Variants in DCDC2C observed in about 807,000 individuals in gnomAD.
The protein encoded by DCDC2C is doublecortin domain-containing protein 2C.
Under a neutral mutation model 45.0 loss-of-function variants are expected in DCDC2C, and 44 were observed. That is an observed-to-expected ratio of 0.98 (90% confidence interval 0.77 to 1.26). The LOEUF (loss-of-function observed/expected upper bound fraction) is 1.26. Among genes scored for constraint, DCDC2C ranks in the 50% most tolerant of loss-of-function variants. The pLI, the probability that DCDC2C is intolerant of heterozygous loss-of-function variation, is 0.00. For synonymous variants in DCDC2C, 187 were observed against 178.8 expected, an observed-to-expected ratio of 1.05 and a Z score of -0.37; for missense variants, 447 against 468.9, an observed-to-expected ratio of 0.95 and a Z score of 0.43.
At chr2:3,763,702 G>A (rs1669946437) in intron 6 of DCDC2C, among the ~76,000 whole-genome samples, 1 of 152,146 alleles carries the variant, frequency 6.6e-6, no homozygotes, top group African/African-American at 2.4e-5. Flanking sequence ...CCATTTTTGG[G>A]CTCATTCCAG....
At chr2:3,782,197 A>T (rs528745897) in intron 9 of DCDC2C, among the ~76,000 whole-genome samples, 20 of 152,222 alleles carry the variant, frequency 1.3e-4, no homozygotes, top group Middle Eastern at 6.8e-3. Flanking sequence ...GGCCTGAAGG[A>T]GCTGTTCAGA....
chr2:3,812,467 T>C (rs1671423970), intron 10 of DCDC2C, among the ~76,000 whole-genome samples: 1 of 152,158 alleles, frequency 6.6e-6, no homozygotes, highest in Non-Finnish European at 1.5e-5. Context: ...TTTGATTCTC[T>C]TCTCTTGTCT....
intron 10 of DCDC2C, among the ~76,000 whole-genome samples, chr2:3,791,637 C>G (rs1225603701): frequency 6.6e-6 from 1 of 152,180 alleles, no homozygotes; most frequent in Non-Finnish European, 1.5e-5. Flanking sequence ...TCCTCTTTCC[C>G]TCTCCCCAGT....
At chr2:3,730,037 C>T (rs1372847668) in intron 3 of DCDC2C, among the ~76,000 whole-genome samples, 1 of 152,190 alleles carries the variant, frequency 6.6e-6, no homozygotes, top group South Asian at 2.1e-4. Context: ...GGAGAAGGGT[C>T]CAGCCGTTGC....
At chr2:3,762,382 T>C (rs1218577409) in intron 6 of DCDC2C, among the ~76,000 whole-genome samples, 3 of 152,156 alleles carry the variant, frequency 2.0e-5, no homozygotes, top group Non-Finnish European at 4.4e-5. Flanking sequence ...AAGCTGTGTG[T>C]ATTCATTCAT....
chr2:3,747,768 G>A (rs1669417011), intron 4 of DCDC2C, among the ~76,000 whole-genome samples: 1 of 152,202 alleles, frequency 6.6e-6, no homozygotes, highest in Non-Finnish European at 1.5e-5. Context: ...GCCCTGAGGG[G>A]ATGGGGTGAG....
At chr2:3,840,163 A>T (rs751568360) in intron 10 of DCDC2C, among the ~76,000 whole-genome samples, 4 of 152,220 alleles carry the variant, frequency 2.6e-5, no homozygotes, top group Non-Finnish European at 5.9e-5. Flanking sequence ...TTTTAGACTG[A>T]GTATTCTACT....
At chr2:3,739,421 A>G (rs532406809) in intron 3 of DCDC2C, among the ~76,000 whole-genome samples, 2 of 152,212 alleles carry the variant, frequency 1.3e-5, no homozygotes, top group Admixed American at 1.3e-4. Context: ...TCCTGTGCCT[A>G]TAAAAGCTTG....
At chr2:3,739,212 C>T (rs902007705) in intron 3 of DCDC2C, among the ~76,000 whole-genome samples, 1 of 152,110 alleles carries the variant, frequency 6.6e-6, no homozygotes. Context: ...TCCAGTTATC[C>T]CATCCCTCAG....
At chr2:3,739,011 T>C (rs1208385044) in intron 3 of DCDC2C, among the ~76,000 whole-genome samples, 1 of 152,220 alleles carries the variant, frequency 6.6e-6, no homozygotes, top group Admixed American at 6.5e-5. Flanking sequence ...ATTCTTCTGC[T>C]CAACCAGCAA....
At chr2:3,846,791 G>T (rs1002818265) in intron 10 of DCDC2C, among the ~76,000 whole-genome samples, 1 of 152,114 alleles carries the variant, frequency 6.6e-6, no homozygotes, top group African/African-American at 2.4e-5. Flanking sequence ...TTCAATGCTG[G>T]TTGGTCAGGA....
intron 8 of DCDC2C, among the ~76,000 whole-genome samples, chr2:3,774,871 T>G (rs1307033832): frequency 6.6e-6 from 1 of 152,050 alleles, no homozygotes; most frequent in Non-Finnish European, 1.5e-5. Context: ...GTTCAAGCGA[T>G]TCTCCTGCCT....
intron 2 of DCDC2C, among the ~76,000 whole-genome samples, chr2:3,725,795 A>C (rs557266015): frequency 1.3e-5 from 2 of 150,808 alleles, no homozygotes; most frequent in African/African-American, 4.9e-5. Context: ...CCGGAGGGAG[A>C]TGAGTAGAGA....
chr2:3,780,355 A>C (rs185449952), intron 9 of DCDC2C, among the ~76,000 whole-genome samples: 31 of 152,344 alleles, frequency 2.0e-4, no homozygotes, highest in Admixed American at 6.5e-4. Flanking sequence ...TCCCTTGTGC[A>C]CACTGGCGGT....
chr2:3,841,838 G>A (rs1672222043), intron 10 of DCDC2C, among the ~76,000 whole-genome samples: 1 of 152,016 alleles, frequency 6.6e-6, no homozygotes, highest in Non-Finnish European at 1.5e-5. Context: ...GACAGTCTTT[G>A]TATTTTCTTC....
At position 3,738,128 on chromosome 2, in the gene DCDC2C, G is replaced by A. The variant is rs549766932; in HGVS notation, c.417-3792G>A. Among the ~76,000 whole-genome samples, 5 of 152,224 alleles carry A rather than the reference G, an allele frequency of 3.3e-5. No homozygotes were observed. The South Asian group carries it at 6.2e-4, about 19-fold the overall frequency. On this transcript the variant is annotated intron_variant, in intron 3 of 10. Transcript: ENST00000399143. ...TACTGCTAATTTGTTAGAAAAATAA[G>A]TCAACAAGAAGTAAAATCTACATTT... is the stretch of plus-strand genomic sequence containing the variant.
rs2148151914 is a variant in DCDC2C, at chr2:3,767,877, G to A, written c.850G>A (p.Ala284Thr). 6.6e-7 allele frequency: 1 copy of A among 1,514,710 alleles called. No individual in the cohort carries two copies. 93.8% of individuals were successfully genotyped at this position (1,514,710 alleles called of 1,614,324 possible). The change falls in exon 7 of 11, where the codon GCA becomes ACA. Residue 284 changes from alanine to threonine, a missense_variant. Physicochemically the swap from Ala to Thr is moderately conservative, Grantham distance 58 (BLOSUM62 0). Coordinates refer to ENST00000399143, the MANE Select transcript of DCDC2C (RefSeq NM_001287444.2). ...GGCAGAACCTTTAGTCCAAAGGGGT[G>A]CAGGTGACGTGCAGTTTCATTCTGC... is the stretch of plus-strand genomic sequence containing the variant. ...TLAEPLVQRG[A>T]EGDVYKAPTP...
chr2:3,774,590 G>A (rs989257372), intron 8 of DCDC2C, among the ~76,000 whole-genome samples: 1 of 152,144 alleles, frequency 6.6e-6, no homozygotes, highest in Non-Finnish European at 1.5e-5. Flanking sequence ...GGTGAGGAGA[G>A]GCTTTCCCAG....
intron 2 of DCDC2C, among the ~76,000 whole-genome samples, chr2:3,712,011 T>G (rs1291960533): frequency 1.3e-5 from 2 of 151,976 alleles, no homozygotes; most frequent in Non-Finnish European, 1.5e-5. Context: ...CTAGAAAGGG[T>G]TTGCCATTAT....
Sources: allele counts gnomAD v4.1 joint callset (sites outside exome capture counted in the v4.1 genomes callset), GRCh38; gene constraint gnomAD v4.1.1; transcripts MANE v1.5; gene names NCBI Gene and HGNC (gene_info 2026-07-23, HGNC 2026-07-21).